SHISA9: variants seen among roughly 807,000 people sequenced by gnomAD.
The protein encoded by SHISA9 is protein shisa-9.
A neutral mutation model predicts 38.0 loss-of-function variants in SHISA9; 13 were observed. The ratio of observed to expected loss-of-function variants is 0.34; its 90% CI spans 0.22 to 0.54. The LOEUF (loss-of-function observed/expected upper bound fraction) is 0.54. SHISA9 is among the 20% of genes least tolerant of loss of function. The pLI is 0.91. For missense variants in SHISA9, 538 were observed against 575.8 expected (o/e 0.93, Z 0.67); for synonymous variants, 275 against 242.0 (o/e 1.14, Z -1.27).
chr16:13,145,550 GGTA>G (rs930791410), intron 2 of SHISA9, among the ~76,000 whole-genome samples: 2 of 152,076 alleles, frequency 1.3e-5, no homozygotes, highest in Non-Finnish European at 2.9e-5. Context: ...AACAAAAAAA[GGTA>G]GTTGTGTGGC....
intron 2 of SHISA9, among the ~76,000 whole-genome samples, chr16:13,156,896 G>C (rs929935068): frequency 6.6e-6 from 1 of 152,152 alleles, no homozygotes; most frequent in East Asian, 1.9e-4. Context: ...CACATCATGT[G>C]CGTCATCAAA....
intron 2 of SHISA9, among the ~76,000 whole-genome samples, chr16:13,045,403 T>C (rs1501309): frequency 0.99 from 151,446 of 152,310 alleles, 75,300 homozygotes; most frequent in Middle Eastern, 1. Context: ...CACACCCCTC[T>C]GATAAATCTT....
At chr16:13,241,827 G>C (rs1359728504), downstream of SHISA9, among the ~76,000 whole-genome samples, 1 of 152,196 alleles carries the variant, frequency 6.6e-6, no homozygotes, top group Non-Finnish European at 1.5e-5. Context: ...TTGGGGCACA[G>C]TTCTGGTTAT....
At chr16:12,965,861 G>C (rs902271076) in intron 2 of SHISA9, among the ~76,000 whole-genome samples, 1 of 152,160 alleles carries the variant, frequency 6.6e-6, no homozygotes, top group Non-Finnish European at 1.5e-5. Context: ...TGAAATGAAT[G>C]ACAAAAAGTG....
chr16:12,954,741 T>G (rs1307555565), intron 2 of SHISA9, among the ~76,000 whole-genome samples: 1 of 152,184 alleles, frequency 6.6e-6, no homozygotes, highest in Non-Finnish European at 1.5e-5. Flanking sequence ...GAAACAGTTG[T>G]AGAGGGTACA....
At chr16:13,035,675 T>C (rs941180880) in intron 2 of SHISA9, among the ~76,000 whole-genome samples, 1 of 152,066 alleles carries the variant, frequency 6.6e-6, no homozygotes, top group African/African-American at 2.4e-5. Context: ...GGACTATGGG[T>C]ACGCACCACC....
chr16:13,092,278 C>T (rs747811686), intron 2 of SHISA9, among the ~76,000 whole-genome samples: 14 of 152,324 alleles, frequency 9.2e-5, no homozygotes, highest in African/African-American at 2.2e-4. Context: ...ACATGGGAGT[C>T]GGGGACCCAC....
intron 4 of SHISA9, among the ~76,000 whole-genome samples, chr16:13,231,292 T>C (rs1014589164): frequency 6.6e-6 from 1 of 152,236 alleles, no homozygotes; most frequent in East Asian, 1.9e-4. Flanking sequence ...GGTTCAGGCA[T>C]GGCCACCTTG....
chr16:12,918,941 A>C (rs1000176400), intron 2 of SHISA9, among the ~76,000 whole-genome samples: 3 of 152,212 alleles, frequency 2.0e-5, no homozygotes, highest in Admixed American at 6.5e-5. Flanking sequence ...GGTTTATATT[A>C]ATAAGCTTAA....
chr16:12,962,725 A>G (rs142013739), intron 2 of SHISA9, among the ~76,000 whole-genome samples: 20 of 152,320 alleles, frequency 1.3e-4, no homozygotes, highest in Non-Finnish European at 2.1e-4. Flanking sequence ...GTTTAAGCCA[A>G]CTGGTCTATG....
At chr16:13,063,508 T>C (rs1463269165) in intron 2 of SHISA9, among the ~76,000 whole-genome samples, 1 of 152,174 alleles carries the variant, frequency 6.6e-6, no homozygotes, top group Non-Finnish European at 1.5e-5. Context: ...GAAATGACAC[T>C]AACTTCTGCC....
chr16:13,147,191 G>A (rs1464688889), intron 2 of SHISA9, among the ~76,000 whole-genome samples: 3 of 152,156 alleles, frequency 2.0e-5, no homozygotes, highest in Admixed American at 6.5e-5. Context: ...ATGGTGACAC[G>A]GAAGAATGGT....
At chr16:13,394,537 T>C in the SHISA9 span, among the ~76,000 whole-genome samples, 1 of 152,196 alleles carries the variant, frequency 6.6e-6, no homozygotes, top group Non-Finnish European at 1.5e-5. Flanking sequence ...TAACACATTC[T>C]CTTCCTCCAT....
At chr16:13,159,147 A>G (rs1271968044) in intron 2 of SHISA9, among the ~76,000 whole-genome samples, 1 of 152,192 alleles carries the variant, frequency 6.6e-6, no homozygotes, top group African/African-American at 2.4e-5. Flanking sequence ...TAAACTGTCA[A>G]CTACAATGTG....
the SHISA9 span, among the ~76,000 whole-genome samples, chr16:13,561,725 A>T: frequency 2.0e-5 from 3 of 152,220 alleles, no homozygotes; most frequent in Non-Finnish European, 2.9e-5. Flanking sequence ...CCTACGTGCC[A>T]GGTGATGGAC....
the SHISA9 span, chr16:13,474,372 A>G: frequency 6.6e-6 from 1 of 152,250 alleles, no homozygotes; most frequent in African/African-American, 2.4e-5. Flanking sequence ...GCAAAGTAAT[A>G]TACGATTTAA....
At chr16:13,006,060 GCGCA>G (rs2072593936) in intron 2 of SHISA9, among the ~76,000 whole-genome samples, 1 of 152,146 alleles carries the variant, frequency 6.6e-6, no homozygotes, top group African/African-American at 2.4e-5. Context: ...TGAAGCATGC[GCGCA>G]CGCACACACA....
intron 2 of SHISA9, among the ~76,000 whole-genome samples, chr16:12,922,939 A>G (rs893090831): frequency 6.6e-6 from 1 of 152,060 alleles, no homozygotes; most frequent in African/African-American, 2.4e-5. Flanking sequence ...TCACAACTGT[A>G]CCGCCCCTGC....
the SHISA9 span, among the ~76,000 whole-genome samples, chr16:13,354,627 TA>T: frequency 7.0e-6 from 1 of 143,812 alleles, no homozygotes; most frequent in African/African-American, 2.5e-5. Flanking sequence ...TGAGGGCCTC[TA>T]AAAGTATTAA....
Sources: allele counts gnomAD v4.1 joint callset (sites outside exome capture counted in the v4.1 genomes callset), GRCh38; gene constraint gnomAD v4.1.1; transcripts MANE v1.5; gene names NCBI Gene and HGNC (gene_info 2026-07-23, HGNC 2026-07-21).